Variants in FRMD3 observed in about 807,000 individuals in gnomAD.
FRMD3 encodes the protein FERM domain containing 3.
In FRMD3, 33 loss-of-function variants were observed where a neutral mutation model predicts 70.2. The ratio of observed to expected loss-of-function variants is 0.47; its 90% confidence interval spans 0.36 to 0.63. FRMD3 has a LOEUF of 0.63. Among genes scored for constraint, FRMD3 ranks in the 20% least tolerant of loss-of-function variants. The pLI is 0.00. For missense variants in FRMD3, 632 were observed against 711.4 expected (o/e 0.89, Z 1.27); for synonymous variants, 279 against 255.9 (o/e 1.09, Z -0.86).
At chr9:83,357,276 TATATA>T (rs1824423537) in intron 3 of FRMD3, among the ~76,000 whole-genome samples, 1 of 59,258 alleles carries the variant, frequency 1.7e-5, no homozygotes, top group African/African-American at 7.7e-5. Context: ...TATATATATA[TATATA>T]TATATATATA....
chr9:83,381,615 T>C (rs1242315021), intron 2 of FRMD3, among the ~76,000 whole-genome samples: 1 of 152,034 alleles, frequency 6.6e-6, no homozygotes, highest in African/African-American at 2.4e-5. Context: ...TCCACTCCTT[T>C]AGCCATGATG....
chr9:83,376,096 G>A (rs1479578569), intron 2 of FRMD3, among the ~76,000 whole-genome samples: 3 of 151,362 alleles, frequency 2.0e-5, no homozygotes, highest in Non-Finnish European at 4.4e-5. Context: ...GGAGGCAAAG[G>A]TTGCAGTGAG....
chr9:83,488,994 G>T lies in FRMD3; in HGVS notation c.147+49091C>A, dbSNP rs1459763234. 4.0e-3 allele frequency among the ~76,000 whole-genome samples: 531 copies of T among 131,206 alleles called. 3 individuals carry two copies. The highest frequency in any genetic ancestry group is 0.014 in the African/African-American group (504 of 36,308). 86.1% of individuals were successfully genotyped at this position (131,206 alleles called of 152,430 possible). A position where few individuals can be genotyped will look rare whatever the true frequency, so the allele number is the denominator to read the frequency against. Reference sequence around the variant, plus strand: ...CCTTTGTGTGTGTGTGTGTGTGTGTGTGTGTGTGTGTGTGTGTGTGTGCTT... The same window carrying T: ...CCTTTGTGTGTGTGTGTGTGTGTGTTTGTGTGTGTGTGTGTGTGTGTGCTT... On this transcript the variant is annotated intron_variant, in intron 1 of 13. Transcript: ENST00000304195.
chr9:83,489,510 T>G (rs1460272887), intron 1 of FRMD3, among the ~76,000 whole-genome samples: 3 of 152,084 alleles, frequency 2.0e-5, no homozygotes, highest in East Asian at 3.9e-4. Context: ...GAAAAAATGC[T>G]CAACATCACT....
chr9:83,507,697 T>C (rs1001411374), intron 1 of FRMD3, among the ~76,000 whole-genome samples: 1,572 of 47,924 alleles, frequency 0.033, 97 homozygotes, highest in Non-Finnish European at 0.049. Flanking sequence ...CATACATATA[T>C]ATATATATAT....
chr9:83,509,509 A>T (rs1829287200), intron 1 of FRMD3, among the ~76,000 whole-genome samples: 1 of 152,240 alleles, frequency 6.6e-6, no homozygotes, highest in South Asian at 2.1e-4. Flanking sequence ...AAAGCTGAAT[A>T]GCTGCTGTCA....
At chr9:83,455,690 A>G (rs942706659) in intron 1 of FRMD3, among the ~76,000 whole-genome samples, 2 of 152,192 alleles carry the variant, frequency 1.3e-5, no homozygotes, top group African/African-American at 4.8e-5. Flanking sequence ...TTAAAAACTT[A>G]CCTAATGTTG....
intron 1 of FRMD3, among the ~76,000 whole-genome samples, chr9:83,479,671 GGAAAGAAA>G (rs1290109477): frequency 0.011 from 342 of 29,952 alleles, 5 homozygotes; most frequent in Middle Eastern, 0.02. Context: ...AAGGAAGGAA[GGAAAGAAA>G]GAAAGAAAGA....
intron 2 of FRMD3, among the ~76,000 whole-genome samples, chr9:83,381,514 C>A (rs1275866926): frequency 6.6e-6 from 1 of 151,764 alleles, no homozygotes; most frequent in African/African-American, 2.4e-5. Context: ...CTAGATCCTG[C>A]CACTGCACTC....
At chr9:83,499,786 TA>T (rs1829021365) in intron 1 of FRMD3, among the ~76,000 whole-genome samples, 1 of 152,216 alleles carries the variant, frequency 6.6e-6, no homozygotes, top group Non-Finnish European at 1.5e-5. Context: ...ATAAGGTTTT[TA>T]AACCTACACA....
chr9:83,557,807 G>T, the FRMD3 span, among the ~76,000 whole-genome samples: 3 of 152,194 alleles, frequency 2.0e-5, no homozygotes, highest in Non-Finnish European at 2.9e-5. Context: ...CTCAGGATTT[G>T]TTTGCAATGT....
intron 2 of FRMD3, among the ~76,000 whole-genome samples, chr9:83,383,359 G>A (rs1236396213): frequency 6.6e-6 from 1 of 152,128 alleles, no homozygotes; most frequent in Non-Finnish European, 1.5e-5. Flanking sequence ...TAGATAATGA[G>A]AACTACTAGA....
At chr9:83,542,435 A>G (rs1199475550), upstream of FRMD3, among the ~76,000 whole-genome samples, 1 of 152,144 alleles carries the variant, frequency 6.6e-6, no homozygotes, top group Non-Finnish European at 1.5e-5. Context: ...AAACTACAAG[A>G]CTCTGGTGAA....
At position 83,329,465 on chromosome 9, in the gene FRMD3, G is replaced by A. The variant is rs555924686; in HGVS notation, c.596+6051C>T. On this transcript the variant is annotated intron_variant, in intron 6 of 13. Transcript: ENST00000304195. Reference sequence around the variant, plus strand: ...AACTGACAAAAACATTTCTTAAGAGGGCCCTTGTGATCTATTCATCAGAAG... The same window carrying A: ...AACTGACAAAAACATTTCTTAAGAGAGCCCTTGTGATCTATTCATCAGAAG... 4.1e-4 allele frequency among the ~76,000 whole-genome samples: 63 copies of A among 152,178 alleles called. 1 individual carries two copies. Among genetic ancestry groups the A allele is most frequent in the Middle Eastern group, 6.8e-3 (2 of 292 alleles).
intron 1 of FRMD3, among the ~76,000 whole-genome samples, chr9:83,478,793 C>G (rs1828460241): frequency 6.6e-6 from 1 of 152,104 alleles, no homozygotes; most frequent in Non-Finnish European, 1.5e-5. Flanking sequence ...TATACACATA[C>G]AATGCAATAT....
At chr9:83,426,027 A>C (rs1388568504) in intron 1 of FRMD3, among the ~76,000 whole-genome samples, 6 of 152,052 alleles carry the variant, frequency 3.9e-5, no homozygotes, top group Non-Finnish European at 8.8e-5. Flanking sequence ...ACATGTGCTC[A>C]CAAGCGTGAG....
intron 2 of FRMD3, among the ~76,000 whole-genome samples, chr9:83,377,291 A>C (rs1038327813): frequency 9.9e-5 from 15 of 152,250 alleles, no homozygotes; most frequent in Admixed American, 2.6e-4. Flanking sequence ...GAAATGATAC[A>C]CAGTAAAATG....
intron 1 of FRMD3, among the ~76,000 whole-genome samples, chr9:83,455,806 A>AG (rs111538729): frequency 4.6e-5 from 7 of 152,340 alleles, no homozygotes; most frequent in African/African-American, 1.4e-4. Flanking sequence ...CATATAAAGG[A>AG]TATAAATTTA....
At chr9:83,389,561 G>C (rs1353962916) in intron 2 of FRMD3, 43 bp downstream of exon 2, 2 of 1,309,152 alleles carry the variant, frequency 1.5e-6, no homozygotes, top group Admixed American at 3.4e-5. Flanking sequence ...CCACAGTCTG[G>C]GTCACTCCCT....
Sources: gnomAD v4.1 joint callset for allele counts (sites outside exome capture counted in the v4.1 genomes callset) on GRCh38, gnomAD v4.1.1 for gene constraint, MANE v1.5 for transcripts, NCBI Gene and HGNC (gene_info 2026-07-23, HGNC 2026-07-21) for gene names.